CTNNA3: variants seen among roughly 807,000 people sequenced by gnomAD.
CTNNA3 encodes catenin alpha 3, also known as catenin alpha-3.
In CTNNA3, 76 loss-of-function variants were observed where a neutral mutation model predicts 95.7. The observed-to-expected ratio is 0.79, with a 90% confidence interval of 0.66 to 0.96. CTNNA3 has a LOEUF of 0.96. Among genes scored for constraint, CTNNA3 ranks in the 40% least tolerant of loss-of-function variants. The pLI, the probability that CTNNA3 is intolerant of heterozygous loss-of-function variation, is 0.00. For synonymous variants in CTNNA3, 431 were observed against 374.4 expected (o/e 1.15, Z -1.74); for missense variants, 1,191 against 1,089.8 (o/e 1.09, Z -1.31).
In CTNNA3 at chr10:66,250,593, C is replaced by A. The variant is rs867041386; in HGVS notation, c.1884+29877G>T. On this transcript the variant is annotated intron_variant, in intron 13 of 17. Transcript: ENST00000433211. ...AATTAAAAATAATAATTTTTTTGAA[C>A]GGCAGGAGCAAAATTTCTTATAGCA... 2.9e-4 allele frequency among the ~76,000 whole-genome samples: 44 copies of A among 152,112 alleles called. 1 individual carries two copies. The highest frequency in any genetic ancestry group is 8.4e-4 in the African/African-American group (35 of 41,520).
chr10:66,191,290 A>G (rs1026652973), intron 13 of CTNNA3, among the ~76,000 whole-genome samples: 5 of 152,136 alleles, frequency 3.3e-5, no homozygotes, highest in African/African-American at 1.2e-4. Context: ...ATAAAATAAG[A>G]CAATCCTTCT....
At chr10:66,735,815 GA>G (rs1223946212) in intron 9 of CTNNA3, among the ~76,000 whole-genome samples, 1 of 152,168 alleles carries the variant, frequency 6.6e-6, no homozygotes, top group Non-Finnish European at 1.5e-5. Flanking sequence ...ACTGTGGGCA[GA>G]GTAAATTCCT....
chr10:66,843,991 C>T (rs1459963794), intron 7 of CTNNA3, among the ~76,000 whole-genome samples: 10 of 152,156 alleles, frequency 6.6e-5, no homozygotes, highest in African/African-American at 2.2e-4. Context: ...ACAATAATAT[C>T]TCTATTATAG....
At chr10:67,373,199 G>T (rs574234044) in intron 5 of CTNNA3, among the ~76,000 whole-genome samples, 1 of 152,224 alleles carries the variant, frequency 6.6e-6, no homozygotes, top group South Asian at 2.1e-4. Flanking sequence ...AAAGAGTCAA[G>T]ACCCATCAGA....
At chr10:66,870,396 T>A (rs1464836368) in intron 7 of CTNNA3, among the ~76,000 whole-genome samples, 1 of 152,202 alleles carries the variant, frequency 6.6e-6, no homozygotes, top group East Asian at 1.9e-4. Flanking sequence ...GAATTTACAA[T>A]AGCATACATT....
intron 11 of CTNNA3, among the ~76,000 whole-genome samples, chr10:66,471,362 C>T (rs1839125153): frequency 6.6e-6 from 1 of 151,688 alleles, no homozygotes; most frequent in South Asian, 2.1e-4. Flanking sequence ...GGCATTCCTT[C>T]AAATTGCTCA....
intron 5 of CTNNA3, among the ~76,000 whole-genome samples, chr10:67,448,733 T>C (rs147428634): frequency 6.6e-6 from 1 of 150,984 alleles, no homozygotes; most frequent in Non-Finnish European, 1.5e-5. Flanking sequence ...AAGATGGAAT[T>C]CTTAAAGATT....
Position 66,233,159 on chromosome 10 carries a change from C to CA in CTNNA3, c.1884+47310dup, listed in dbSNP as rs56368191. ...TGGGTGACAGAGCAAGACTCCACCT[C>CA]AAAAAAAAAAAAAAAAAAAAAAAAA... On this transcript the variant is annotated intron_variant, in intron 13 of 17. Transcript: ENST00000433211. 2.1e-3 allele frequency among the ~76,000 whole-genome samples: 127 copies of CA among 60,190 alleles called. 2 individuals carry two copies. Among genetic ancestry groups the CA allele is most frequent in the African/African-American group, 9.2e-3 (123 of 13,374 alleles). 39.5% of individuals were successfully genotyped at this position (60,190 alleles called of 152,430 possible). A position where few individuals can be genotyped will look rare whatever the true frequency, so the allele number is the denominator to read the frequency against.
At chr10:67,028,845 T>G (rs578254075) in intron 7 of CTNNA3, among the ~76,000 whole-genome samples, 2 of 152,240 alleles carry the variant, frequency 1.3e-5, no homozygotes, top group African/African-American at 4.8e-5. Flanking sequence ...AATCCCTGAG[T>G]AGACTATTAG....
chr10:66,330,023 C>T (rs77927335), intron 12 of CTNNA3, among the ~76,000 whole-genome samples: 1,769 of 152,026 alleles, frequency 0.012, 25 homozygotes, highest in African/African-American at 0.035. Flanking sequence ...ATAGAACAGG[C>T]AATTCACTGG....
chr10:67,067,790 A>G (rs2131837553), intron 7 of CTNNA3, among the ~76,000 whole-genome samples: 1 of 152,340 alleles, frequency 6.6e-6, no homozygotes, highest in Middle Eastern at 3.4e-3. Context: ...ATCTGGGCAC[A>G]CTATGTGCTG....
chr10:67,340,000 TTTC>T (rs1393545369), intron 5 of CTNNA3, among the ~76,000 whole-genome samples: 15 of 152,338 alleles, frequency 9.8e-5, no homozygotes, highest in African/African-American at 2.9e-4. Flanking sequence ...GCTTTCAGTT[TTTC>T]TTCTTTATCC....
intron 15 of CTNNA3, among the ~76,000 whole-genome samples, chr10:66,066,231 T>C (rs2080310777): frequency 6.6e-6 from 1 of 152,278 alleles, no homozygotes; most frequent in South Asian, 2.1e-4. Flanking sequence ...TTCATATAAA[T>C]GTATTGATAC....
intron 11 of CTNNA3, among the ~76,000 whole-genome samples, chr10:66,506,963 TA>T (rs1267587755): frequency 6.6e-6 from 1 of 152,150 alleles, no homozygotes; most frequent in Non-Finnish European, 1.5e-5. Flanking sequence ...CAACTCCTAT[TA>T]AATAAATATC....
At chr10:66,177,650 A>C (rs1007785911) in intron 13 of CTNNA3, among the ~76,000 whole-genome samples, 5 of 152,066 alleles carry the variant, frequency 3.3e-5, no homozygotes, top group Admixed American at 6.6e-5. Flanking sequence ...GTTATTTTAT[A>C]CTAAACATAC....
Position 66,069,504 on chromosome 10 carries a change from A to C in CTNNA3, c.1978-15T>G. 6.3e-7 allele frequency: 1 copy of C among 1,585,418 alleles called. No individual in the cohort carries two copies. The highest frequency in any genetic ancestry group is 8.6e-7 in the Non-Finnish European group (1 of 1,166,492). On this transcript the variant is annotated splice_polypyrimidine_tract_variant and intron_variant, in intron 14 of 17. Transcript: ENST00000433211. ...GTCATCTTAGCCTAAAACATGTGATAATTAGAGTTAAAATCATTCCACTAT... is the reference window on the plus strand; with the variant it reads ...GTCATCTTAGCCTAAAACATGTGATCATTAGAGTTAAAATCATTCCACTAT...
intron 17 of CTNNA3, among the ~76,000 whole-genome samples, chr10:65,939,456 CT>C (rs1350240523): frequency 1.3e-5 from 2 of 152,152 alleles, no homozygotes; most frequent in African/African-American, 4.8e-5. Flanking sequence ...AGATTTCTGT[CT>C]TTAAATTCTT....
intron 5 of CTNNA3, among the ~76,000 whole-genome samples, chr10:67,384,655 T>A (rs976170229): frequency 1.3e-5 from 2 of 152,146 alleles, no homozygotes; most frequent in Non-Finnish European, 2.9e-5. Flanking sequence ...TCCCTAAGGC[T>A]AGGCAGAACT....
intron 7 of CTNNA3, among the ~76,000 whole-genome samples, chr10:66,944,535 G>C (rs1413372577): frequency 6.6e-6 from 1 of 152,072 alleles, no homozygotes; most frequent in African/African-American, 2.4e-5. Flanking sequence ...CATGAATCAC[G>C]AATGTTCTTA....
Sources: gnomAD v4.1 joint callset for allele counts (sites outside exome capture counted in the v4.1 genomes callset) on GRCh38, gnomAD v4.1.1 for gene constraint, MANE v1.5 for transcripts, NCBI Gene and HGNC (gene_info 2026-07-23, HGNC 2026-07-21) for gene names.